The following RAB13 variants were observed in gnomAD, a reference collection of about 807,000 sequenced individuals.
RAB13 encodes the protein RAB13, member RAS oncogene family, also known as ras-related protein Rab-13.
In RAB13, 15 loss-of-function variants were observed where a neutral mutation model predicts 29.3. The ratio of observed to expected loss-of-function variants is 0.51; its 90% confidence interval spans 0.34 to 0.79. The LOEUF (loss-of-function observed/expected upper bound fraction) is 0.79, where lower values mean the gene tolerates loss of function less well. Ranked by LOEUF, RAB13 falls within the 30% of genes least tolerant of loss-of-function variation. RAB13 has a pLI of 0.01. For synonymous variants in RAB13, 82 were observed against 93.8 expected (o/e 0.87, Z 0.73); for missense variants, 186 against 255.5 (o/e 0.73, Z 1.85).
At chr1:153,987,528 A>AG (rs1553215352), upstream of RAB13, among the ~76,000 whole-genome samples, 46 of 127,522 alleles carry the variant, frequency 3.6e-4, 1 homozygote, top group African/African-American at 6.4e-4. Context: ...AAAAAAAAAA[A>AG]AAAGAAAGAA....
upstream of RAB13, chr1:153,986,506 TTTTC>T (rs1649177250): frequency 2.1e-6 from 1 of 472,698 alleles, no homozygotes; most frequent in Admixed American, 3.6e-5. Flanking sequence ...TCTCTCGCTA[TTTTC>T]CACAGCCTTT....
chr1:153,990,583 C>G (rs570527118), upstream of RAB13, among the ~76,000 whole-genome samples: 4 of 152,336 alleles, frequency 2.6e-5, no homozygotes, highest in Admixed American at 1.3e-4. Context: ...AGGTAACCCT[C>G]TCAACATGGT....
At chr1:153,985,112 C>G (rs145324757) in intron 1 of RAB13, 4 of 1,066,804 alleles carry the variant, frequency 3.7e-6, no homozygotes, top group East Asian at 1.9e-4. Flanking sequence ...CTGTCTCCCC[C>G]CAGATATTAC....
chr1:153,989,087 A>ATT (rs778109310), upstream of RAB13, among the ~76,000 whole-genome samples: 98 of 96,356 alleles, frequency 1.0e-3, 2 homozygotes, highest in East Asian at 2.8e-3. Flanking sequence ...GCCCAGCTAA[A>ATT]TTTTTTTTTT....
chr1:153,990,422 T>C (rs915651437), upstream of RAB13, among the ~76,000 whole-genome samples: 2 of 152,212 alleles, frequency 1.3e-5, no homozygotes, highest in African/African-American at 2.4e-5. Flanking sequence ...ATTTAAAAAA[T>C]AGGACGGAAG....
At chr1:153,987,528 A>AAAAAAAAAG (rs570485139), upstream of RAB13, among the ~76,000 whole-genome samples, 21,058 of 125,216 alleles carry the variant, frequency 0.17, 2,680 homozygotes, top group Admixed American at 0.23. Context: ...AAAAAAAAAA[A>AAAAAAAAAG]AAAGAAAGAA....
At chr1:153,989,922 AAG>A (rs935764252), upstream of RAB13, among the ~76,000 whole-genome samples, 1 of 152,018 alleles carries the variant, frequency 6.6e-6, no homozygotes, top group Non-Finnish European at 1.5e-5. Context: ...AATAAAAAAA[AAG>A]AAGGCATCTT....
intron 2 of RAB13, among the ~76,000 whole-genome samples, chr1:153,983,934 T>G (rs1180407231): frequency 6.6e-6 from 1 of 152,138 alleles, no homozygotes; most frequent in African/African-American, 2.4e-5. Context: ...CCCAACACTT[T>G]GGGAGGCTGA....
At chr1:153,983,425 C>T in intron 3 of RAB13, 96 bp downstream of exon 3, 1 of 1,483,672 alleles carries the variant, frequency 6.7e-7, no homozygotes, top group Admixed American at 1.7e-5. Flanking sequence ...CACTGCACCC[C>T]TCCCATTTTT....
chr1:153,982,377 C>T lies in RAB13; in HGVS notation c.534+14G>A, dbSNP rs1355717768. Reference sequence around the variant, plus strand: ...CACCCCAGAGTTGTACCTAGTCCAGCAAAACCAACTTACTGATCTCCGGCC... The same window carrying T: ...CACCCCAGAGTTGTACCTAGTCCAGTAAAACCAACTTACTGATCTCCGGCC... On this transcript the variant is annotated intron_variant, in intron 7 of 7. Transcript: ENST00000368575. 6.2e-7 allele frequency: 1 copy of T among 1,608,956 alleles called. No homozygotes were observed. Among genetic ancestry groups the T allele is most frequent in the African/African-American group, 1.3e-5 (1 of 74,672 alleles).
chr1:153,984,595 AGTGCTCCTTCTAGCACT>A (rs1649101919), intron 2 of RAB13, 109 bp downstream of exon 2: 2 of 790,094 alleles, frequency 2.5e-6, no homozygotes, highest in Non-Finnish European at 4.2e-6. Flanking sequence ...AAATGCCAGA[AGTGCTCCTTCTAGCACT>A]TCTAGAAGGA....
chr1:153,990,636 A>G, upstream of RAB13: 1 of 862,132 alleles, frequency 1.2e-6, no homozygotes, highest in East Asian at 2.6e-5. Context: ...CCTTCCGAAA[A>G]TGGCAGCTCC....
intron 1 of RAB13, 47 bp downstream of exon 1, chr1:153,986,066 G>A: frequency 6.2e-7 from 1 of 1,609,970 alleles, no homozygotes. Flanking sequence ...AGCCGGAGAA[G>A]GAGGTCACAG....
Position 153,983,206 on chromosome 1 carries a change from G to C in RAB13, c.324+13C>G, listed in dbSNP as rs748444413. The C allele has an allele frequency of 6.2e-7, 1 of 1,606,446 alleles. No homozygotes were observed. The highest frequency in any genetic ancestry group is 1.3e-5 in the African/African-American group (1 of 74,672). On this transcript the variant is annotated intron_variant, in intron 4 of 7. Transcript: ENST00000368575. ...TCTAACCAGTTTCCCCATCTCTTTT[G>C]GAGGGTCCTCACCTCCTTGATGCTT...
chr1:153,986,707 GA>G (rs111554216), upstream of RAB13, among the ~76,000 whole-genome samples: 40,091 of 147,660 alleles, frequency 0.27, 5,863 homozygotes, highest in Admixed American at 0.39. Context: ...ACTAGAAATT[GA>G]AAAAAAAAAA....
rs988927148 is a variant in RAB13 at position 153,981,879 on chromosome 1, T to G, written c.*220A>C. 80 of 590,790 alleles carry G rather than the reference T, an allele frequency of 1.4e-4. No homozygotes were observed. Among genetic ancestry groups the G allele is most frequent in the Middle Eastern group, 4.5e-4 (1 of 2,218 alleles). 36.6% of individuals were successfully genotyped at this position (590,790 alleles called of 1,614,324 possible). ...CCTCCTCCCTCTCTTCCTACCTCCT[T>G]GCCTTCTTTCACTTCCTCAATTCAT... On this transcript the variant is annotated 3_prime_UTR_variant, in exon 8 of 8. Transcript: ENST00000368575.
chr1:153,988,123 C>T (rs926094876), upstream of RAB13, among the ~76,000 whole-genome samples: 1 of 150,220 alleles, frequency 6.7e-6, no homozygotes, highest in African/African-American at 2.5e-5. Flanking sequence ...TACCTGTAAT[C>T]CTCTGGGATT....
At position 153,983,679 on chromosome 1, in the gene RAB13, G is replaced by A; in HGVS notation, c.186-98C>T. On this transcript the variant is annotated intron_variant, in intron 2 of 7. Coordinates refer to ENST00000368575, the MANE Select transcript of RAB13 (RefSeq NM_002870.5). ...ACAAGAATTTAGCTTTTGTAACATG[G>A]TGGGGCAACAGAATAAGGAAACAGT... 4 of 1,058,604 alleles carry A rather than the reference G, an allele frequency of 3.8e-6. No individual in the cohort carries two copies. In the South Asian group the frequency reaches 5.4e-5, roughly 14 times the overall value. 65.6% of individuals were successfully genotyped at this position (1,058,604 alleles called of 1,614,324 possible).
chr1:153,983,910 C>T (rs1011772084), intron 2 of RAB13, among the ~76,000 whole-genome samples: 6 of 152,164 alleles, frequency 3.9e-5, no homozygotes, highest in Non-Finnish European at 8.8e-5. Flanking sequence ...GGTGCCGTGG[C>T]TTGCGTCTAT....
Sources: allele counts gnomAD v4.1 joint callset (sites outside exome capture counted in the v4.1 genomes callset), GRCh38; gene constraint gnomAD v4.1.1; transcripts MANE v1.5; gene names NCBI Gene and HGNC (gene_info 2026-07-23, HGNC 2026-07-21).